The following STX2 variants were observed in gnomAD, a reference collection of about 807,000 sequenced individuals.
STX2 encodes syntaxin-2.
Under a neutral mutation model 40.6 loss-of-function variants are expected in STX2, and 27 were observed. That is an observed-to-expected ratio of 0.66 (90% CI 0.49 to 0.92). The LOEUF (loss-of-function observed/expected upper bound fraction) is 0.92, where lower values mean the gene tolerates loss of function less well. Among genes scored for constraint, STX2 ranks in the 40% least tolerant of loss-of-function variants. The pLI, the probability that STX2 is intolerant of heterozygous loss-of-function variation, is 0.00. For missense variants in STX2, 328 were observed against 366.1 expected, an observed-to-expected ratio of 0.90 and a Z score of 0.85; for synonymous variants, 123 against 119.1, an observed-to-expected ratio of 1.03 and a Z score of -0.22.
chr12:130,816,771 C>G (rs1951874889), intron 3 of STX2, among the ~76,000 whole-genome samples: 1 of 152,180 alleles, frequency 6.6e-6, no homozygotes, highest in African/African-American at 2.4e-5. Context: ...GACATGGGCC[C>G]CACTTTTGCA....
At position 130,811,517 on chromosome 12, in the gene STX2, T is replaced by C. The variant is rs567164067; in HGVS notation, c.280+1440A>G. Among the ~76,000 whole-genome samples, 14 of 151,328 alleles carry C rather than the reference T, an allele frequency of 9.3e-5. No homozygotes were observed. The South Asian group carries it at 2.7e-3, about 29-fold the overall frequency. On this transcript the variant is annotated intron_variant, in intron 4 of 10. Coordinates refer to ENST00000392373, the MANE Select transcript of STX2 (RefSeq NM_194356.4). ...ACTTACTTAGAGCCAAGAAAAAATG[T>C]TAATGTCACCATTAACATCTTTTTT... is the stretch of plus-strand genomic sequence containing the variant.
chr12:130,803,188 G>T (rs1951294084), intron 6 of STX2, among the ~76,000 whole-genome samples: 1 of 152,046 alleles, frequency 6.6e-6, no homozygotes, highest in Non-Finnish European at 1.5e-5. Flanking sequence ...TTTTTGGGAG[G>T]TAATTCTCAA....
chr12:130,794,013 C>T (rs1950954641), intron 10 of STX2, among the ~76,000 whole-genome samples: 1 of 152,158 alleles, frequency 6.6e-6, no homozygotes, highest in South Asian at 2.1e-4. Context: ...CCCCAGGGGT[C>T]ACACTGAGAG....
intron 4 of STX2, among the ~76,000 whole-genome samples, chr12:130,809,419 A>T (rs1951562206): frequency 6.6e-6 from 1 of 152,230 alleles, no homozygotes; most frequent in Non-Finnish European, 1.5e-5. Flanking sequence ...GAATGACATA[A>T]ATACTTCACA....
chr12:130,812,727 G>C, intron 4 of STX2: 1 of 397,682 alleles, frequency 2.5e-6, no homozygotes, highest in South Asian at 3.9e-5. Flanking sequence ...CCAAACATCT[G>C]CAACTTAGCC....
intron 1 of STX2, among the ~76,000 whole-genome samples, chr12:130,832,795 G>A (rs932462913): frequency 2.0e-5 from 3 of 152,106 alleles, no homozygotes; most frequent in African/African-American, 4.8e-5. Flanking sequence ...ACTCACTACC[G>A]ACAGCATCTT....
chr12:130,837,061 T>C (rs536565157), intron 1 of STX2, among the ~76,000 whole-genome samples: 30 of 152,172 alleles, frequency 2.0e-4, no homozygotes, highest in African/African-American at 6.7e-4. Flanking sequence ...AATTTGGCTG[T>C]ATTTTGCCAA....
chr12:130,797,194 T>C (rs569903943), intron 9 of STX2, among the ~76,000 whole-genome samples: 18 of 152,310 alleles, frequency 1.2e-4, no homozygotes, highest in African/African-American at 4.1e-4. Context: ...ACCCACCACC[T>C]TCCCCCTTTG....
At chr12:130,829,939 G>T (rs1227509417) in intron 1 of STX2, among the ~76,000 whole-genome samples, 3 of 152,172 alleles carry the variant, frequency 2.0e-5, no homozygotes, top group Non-Finnish European at 4.4e-5. Context: ...GGTGCCACAT[G>T]GCTCTCAGGG....
chr12:130,795,992 T>A lies in STX2; in HGVS notation c.*45+3A>T. On this transcript the variant is annotated splice_donor_region_variant and intron_variant, in intron 10 of 10. Coordinates refer to ENST00000392373, the MANE Select transcript of STX2 (RefSeq NM_194356.4). ...TAAGTAAATTAGTTGATGAGTTACT[T>A]ACTCCCACCCTGGCAGAGAGGCATG... The A allele has an allele frequency of 9.4e-6, 15 of 1,599,246 alleles. No homozygotes were observed. Among genetic ancestry groups the A allele is most frequent in the Non-Finnish European group, 1.3e-5 (15 of 1,174,392 alleles).
At chr12:130,800,307 T>G (rs7953184) in intron 8 of STX2, among the ~76,000 whole-genome samples, 63,235 of 150,870 alleles carry the variant, frequency 0.42, 14,965 homozygotes, top group African/African-American at 0.65. Context: ...GTATTTTTTT[T>G]TTTTTTTTTT....
chr12:130,829,420 C>T (rs563186455), intron 1 of STX2, among the ~76,000 whole-genome samples: 331 of 152,296 alleles, frequency 2.2e-3, no homozygotes, highest in African/African-American at 3.8e-3. Flanking sequence ...GAGCAGAAAA[C>T]GGCCTGTGAC....
intron 4 of STX2, 77 bp downstream of exon 4, chr12:130,812,880 C>A: frequency 9.3e-7 from 1 of 1,069,802 alleles, no homozygotes; most frequent in Non-Finnish European, 1.4e-6. Context: ...TGTAAAAGAA[C>A]AAAAACCAAT....
At chr12:130,828,867 C>CAAAAAAAAAA (rs71451381) in intron 1 of STX2, among the ~76,000 whole-genome samples, 1 of 121,590 alleles carries the variant, frequency 8.2e-6, no homozygotes, top group Non-Finnish European at 1.7e-5. Flanking sequence ...GACTCTGTCT[C>CAAAAAAAAAA]AAAAAAAAAA....
intron 3 of STX2, among the ~76,000 whole-genome samples, chr12:130,816,537 G>C (rs111806067): frequency 4.6e-5 from 7 of 152,166 alleles, no homozygotes; most frequent in Non-Finnish European, 5.9e-5. Context: ...GAGACCAGAC[G>C]GGGATCAGGA....
At chr12:130,834,140 T>C (rs1168209833) in intron 1 of STX2, among the ~76,000 whole-genome samples, 1 of 151,874 alleles carries the variant, frequency 6.6e-6, no homozygotes, top group Non-Finnish European at 1.5e-5. Context: ...TCCCAGCACT[T>C]TGGGAGGCCG....
At chr12:130,808,514 G>C in intron 5 of STX2, 117 bp downstream of exon 5, 1 of 941,122 alleles carries the variant, frequency 1.1e-6, no homozygotes, top group Non-Finnish European at 1.6e-6. Flanking sequence ...TTTTTGTGCA[G>C]AAATACTATG....
chr12:130,809,112 C>T lies in STX2; in HGVS notation c.281-408G>A, dbSNP rs187227267. ...GAACTCATGAGCTCAACTGATCCGCCTGCCTTGGCATCCCAAAGTGCTGGC... is the reference window on the plus strand; with the variant it reads ...GAACTCATGAGCTCAACTGATCCGCTTGCCTTGGCATCCCAAAGTGCTGGC... On this transcript the variant is annotated intron_variant, in intron 4 of 10. Transcript: ENST00000392373. Among the ~76,000 whole-genome samples the T allele has an allele frequency of 1.1e-3, 171 of 152,364 alleles. 1 individual carries two copies. The highest frequency in any genetic ancestry group is 3.8e-3 in the African/African-American group (156 of 41,584).
At chr12:130,821,309 A>G (rs1952105304) in intron 3 of STX2, among the ~76,000 whole-genome samples, 1 of 152,028 alleles carries the variant, frequency 6.6e-6, no homozygotes, top group African/African-American at 2.4e-5. Context: ...TTCCTATTTC[A>G]CTCTGCTCTT....
Sources: allele counts gnomAD v4.1 joint callset (sites outside exome capture counted in the v4.1 genomes callset), GRCh38; gene constraint gnomAD v4.1.1; transcripts MANE v1.5; gene names NCBI Gene and HGNC (gene_info 2026-07-23, HGNC 2026-07-21).